Variants in PPARGC1A observed in about 807,000 individuals in gnomAD.
PPARGC1A encodes PPARG coactivator 1 alpha.
In PPARGC1A, 25 loss-of-function variants were observed where a neutral mutation model predicts 88.7. The observed-to-expected ratio is 0.28, with a 90% CI of 0.21 to 0.39. The LOEUF (loss-of-function observed/expected upper bound fraction) is 0.39, where lower values mean the gene tolerates loss of function less well. PPARGC1A is among the 10% of genes least tolerant of loss of function. The probability of loss-of-function intolerance (pLI) is 1.00; values close to 1 mark genes in which losing one functional copy is unlikely to be tolerated. For synonymous variants in PPARGC1A, 363 were observed against 355.6 expected (o/e 1.02, Z -0.24); for missense variants, 880 against 968.7 (o/e 0.91, Z 1.22).
chr4:24,406,961 A>G, the PPARGC1A span, among the ~76,000 whole-genome samples: 3 of 152,176 alleles, frequency 2.0e-5, no homozygotes, highest in Admixed American at 2.0e-4. Flanking sequence ...CTTGCTGCTC[A>G]TTCTCAGGCA....
chr4:24,441,724 AAGG>A, the PPARGC1A span, among the ~76,000 whole-genome samples: 1 of 152,138 alleles, frequency 6.6e-6, no homozygotes, highest in Non-Finnish European at 1.5e-5. Context: ...GGAAGGAAGA[AAGG>A]AGGAAAGGAG....
chr4:24,137,186 T>A, the PPARGC1A span, among the ~76,000 whole-genome samples: 1 of 150,842 alleles, frequency 6.6e-6, no homozygotes, highest in Non-Finnish European at 1.5e-5. Context: ...ATATGCCTGG[T>A]GTCCTTATAA....
chr4:24,031,415 A>C, the PPARGC1A span, among the ~76,000 whole-genome samples: 2 of 152,160 alleles, frequency 1.3e-5, no homozygotes, highest in African/African-American at 4.8e-5. Flanking sequence ...AGAGAATAGG[A>C]AGCGAAGGCT....
chr4:24,422,716 T>C, the PPARGC1A span, among the ~76,000 whole-genome samples: 2,524 of 152,100 alleles, frequency 0.017, 52 homozygotes, highest in African/African-American at 0.058. Context: ...ACACAATAAT[T>C]TAGTACAGAA....
the PPARGC1A span, among the ~76,000 whole-genome samples, chr4:24,201,794 CT>C: frequency 1.4e-3 from 217 of 152,098 alleles, no homozygotes; most frequent in African/African-American, 5.0e-3. Context: ...AAATAAGATC[CT>C]TTTTTTCCAC....
At chr4:23,934,047 T>C in the PPARGC1A span, among the ~76,000 whole-genome samples, 1 of 152,198 alleles carries the variant, frequency 6.6e-6, no homozygotes, top group Non-Finnish European at 1.5e-5. Context: ...CCAAAGTTAT[T>C]AGAATCCCTC....
Position 23,866,504 on chromosome 4 carries a change from A to G in PPARGC1A, c.234+18248T>C, listed in dbSNP as rs189061781. 6.6e-5 allele frequency among the ~76,000 whole-genome samples: 10 copies of G among 152,302 alleles called. No individual in the cohort carries two copies. The East Asian group carries it at 1.7e-3, about 26-fold the overall frequency. On this transcript the variant is annotated intron_variant, in intron 2 of 12. Coordinates refer to ENST00000264867, the MANE Select transcript of PPARGC1A (RefSeq NM_013261.5). Reference sequence around the variant, plus strand: ...AATCTATATGAAAAAAGCTCTTAACACAAGATAGGCCGAACATTTTCCCCG... The same window carrying G: ...AATCTATATGAAAAAAGCTCTTAACGCAAGATAGGCCGAACATTTTCCCCG...
the PPARGC1A span, among the ~76,000 whole-genome samples, chr4:24,075,931 A>G: frequency 6.6e-6 from 1 of 152,146 alleles, no homozygotes; most frequent in Non-Finnish European, 1.5e-5. Flanking sequence ...GAGCTTGGAG[A>G]CACCATAAGA....
At chr4:24,265,697 C>A in the PPARGC1A span, among the ~76,000 whole-genome samples, 2 of 151,888 alleles carry the variant, frequency 1.3e-5, no homozygotes, top group African/African-American at 4.8e-5. Context: ...CCATGAAGAC[C>A]TTACTTAATG....
At chr4:24,047,444 G>A in the PPARGC1A span, among the ~76,000 whole-genome samples, 39 of 152,206 alleles carry the variant, frequency 2.6e-4, no homozygotes, top group East Asian at 5.0e-3. Flanking sequence ...AATGTGCCTG[G>A]CACTGTGCTA....
chr4:23,862,866 C>G (rs1460815919), intron 2 of PPARGC1A, among the ~76,000 whole-genome samples: 1 of 152,208 alleles, frequency 6.6e-6, no homozygotes, highest in African/African-American at 2.4e-5. Flanking sequence ...AGACACCCCT[C>G]CTTATCAAGC....
chr4:24,359,209 T>C, the PPARGC1A span, among the ~76,000 whole-genome samples: 68 of 152,280 alleles, frequency 4.5e-4, 1 homozygote, highest in South Asian at 0.014. Flanking sequence ...GCAAGAGATA[T>C]ACAAAATCAA....
At chr4:24,029,184 A>G in the PPARGC1A span, among the ~76,000 whole-genome samples, 2 of 152,182 alleles carry the variant, frequency 1.3e-5, no homozygotes, top group Non-Finnish European at 2.9e-5. Flanking sequence ...TACTGATCAG[A>G]CTTTGACTCT....
Position 23,828,583 on chromosome 4 carries a change from T to C in PPARGC1A, c.574A>G (p.Lys192Glu). The C allele has an allele frequency of 6.2e-7, 1 of 1,614,122 alleles. No homozygotes were observed. The highest frequency in any genetic ancestry group is 2.2e-5 in the East Asian group (1 of 44,880). ...TGCTGTTGACAAATACTCTTCGCTTTATTGCTCCATGAATTCTCAGTCTTA... is the reference window on the plus strand; with the variant it reads ...TGCTGTTGACAAATACTCTTCGCTTCATTGCTCCATGAATTCTCAGTCTTA... ...IVKTENSWSN[K>E]AKSICQQQKP... Residue 192 changes from lysine (K) to glutamate (E), a missense_variant, in exon 5 of 13, where the codon AAA (lysine) becomes GAA (glutamate). Transcript: ENST00000264867.
chr4:24,108,944 T>C, the PPARGC1A span, among the ~76,000 whole-genome samples: 1 of 151,972 alleles, frequency 6.6e-6, no homozygotes, highest in South Asian at 2.1e-4. Context: ...AGTGAACTTT[T>C]GGACCTTGGA....
chr4:24,102,533 G>A, the PPARGC1A span, among the ~76,000 whole-genome samples: 1 of 152,218 alleles, frequency 6.6e-6, no homozygotes, highest in East Asian at 1.9e-4. Context: ...CAATCCCAGA[G>A]CAGCTGACAT....
chr4:24,048,254 T>C, the PPARGC1A span, among the ~76,000 whole-genome samples: 715 of 152,252 alleles, frequency 4.7e-3, 1 homozygote, highest in Non-Finnish European at 7.9e-3. Context: ...AAGATGGTGC[T>C]CTAATAAACA....
At chr4:24,096,815 TAG>T in the PPARGC1A span, among the ~76,000 whole-genome samples, 3 of 152,192 alleles carry the variant, frequency 2.0e-5, no homozygotes, top group African/African-American at 7.2e-5. Flanking sequence ...TAATAAGAAA[TAG>T]AGTTTTAGAA....
intron 10 of PPARGC1A, among the ~76,000 whole-genome samples, chr4:23,802,901 ATCTGTC>A (rs1476429826): frequency 6.6e-6 from 1 of 151,962 alleles, no homozygotes; most frequent in Non-Finnish European, 1.5e-5. Flanking sequence ...TACCTTTCCT[ATCTGTC>A]TCTGTTCTAC....
Sources: gnomAD v4.1 joint callset for allele counts (sites outside exome capture counted in the v4.1 genomes callset) on GRCh38, gnomAD v4.1.1 for gene constraint, MANE v1.5 for transcripts, NCBI Gene and HGNC (gene_info 2026-07-23, HGNC 2026-07-21) for gene names.